Variants in GPC5 observed in about 807,000 individuals in gnomAD.
The protein encoded by GPC5 is glypican-5.
Under a neutral mutation model 53.9 loss-of-function variants are expected in GPC5, and 47 were observed. The ratio of observed to expected loss-of-function variants is 0.87; its 90% CI spans 0.69 to 1.11. The LOEUF (loss-of-function observed/expected upper bound fraction) is 1.11, where lower values mean the gene tolerates loss of function less well. Ranked by LOEUF, GPC5 falls within the 50% of genes most tolerant of loss-of-function variation. The pLI is 0.00. For synonymous variants in GPC5, 286 were observed against 263.3 expected, an observed-to-expected ratio of 1.09 and a Z score of -0.84; for missense variants, 748 against 713.1, an observed-to-expected ratio of 1.05 and a Z score of -0.56.
chr13:91,889,253 G>T (rs542565550), intron 5 of GPC5, among the ~76,000 whole-genome samples: 1 of 152,266 alleles, frequency 6.6e-6, no homozygotes, highest in Non-Finnish European at 1.5e-5. Context: ...TGACTCAGGG[G>T]ACAGGCTGGG....
chr13:92,716,168 T>G (rs1277746458), intron 7 of GPC5, among the ~76,000 whole-genome samples: 2 of 152,158 alleles, frequency 1.3e-5, no homozygotes, highest in Admixed American at 1.3e-4. Flanking sequence ...GATTTTATTC[T>G]TCATACAATC....
rs374631578 is a variant in GPC5, at chr13:92,387,850, A to C, written c.1561+242861A>C. Among the ~76,000 whole-genome samples, 111 of 152,234 alleles carry C rather than the reference A, an allele frequency of 7.3e-4. 3 individuals are homozygous for C. The South Asian group carries it at 0.023, about 31-fold the overall frequency. On this transcript the variant is annotated intron_variant, in intron 7 of 7. Transcript: ENST00000377067. Reference sequence around the variant, plus strand: ...AACTCAAACGGTTGTTTTGAAAATTAATTAAGATATTCCGTGTAAGGCATG... The same window carrying C: ...AACTCAAACGGTTGTTTTGAAAATTCATTAAGATATTCCGTGTAAGGCATG...
intron 6 of GPC5, among the ~76,000 whole-genome samples, chr13:91,917,252 T>C (rs903076723): frequency 6.6e-6 from 1 of 152,228 alleles, no homozygotes; most frequent in East Asian, 1.9e-4. Flanking sequence ...TGAAATCCAA[T>C]AGGGCAGTTA....
At chr13:92,061,127 G>C (rs2041119747) in intron 6 of GPC5, among the ~76,000 whole-genome samples, 1 of 151,962 alleles carries the variant, frequency 6.6e-6, no homozygotes, top group East Asian at 1.9e-4. Flanking sequence ...ATTGTTAATA[G>C]AAAATGGCAG....
intron 7 of GPC5, among the ~76,000 whole-genome samples, chr13:92,797,119 C>G (rs1390475300): frequency 1.3e-5 from 2 of 151,878 alleles, no homozygotes; most frequent in African/African-American, 4.8e-5. Flanking sequence ...TGATTCATTA[C>G]TTTTAAAATG....
At chr13:92,717,288 G>A (rs1156289350) in intron 7 of GPC5, among the ~76,000 whole-genome samples, 1 of 152,028 alleles carries the variant, frequency 6.6e-6, no homozygotes, top group Non-Finnish European at 1.5e-5. Context: ...AGGAGATCCT[G>A]GTTATGTGAA....
chr13:92,678,134 A>T (rs1392571777), intron 7 of GPC5, among the ~76,000 whole-genome samples: 1 of 152,332 alleles, frequency 6.6e-6, no homozygotes, highest in African/African-American at 2.4e-5. Context: ...CAAATGTTCA[A>T]TGTATGTTTG....
At chr13:92,802,332 C>T (rs7996912) in intron 7 of GPC5, among the ~76,000 whole-genome samples, 2,970 of 151,886 alleles carry the variant, frequency 0.02, 101 homozygotes, top group African/African-American at 0.069. Flanking sequence ...ATTAAATTGC[C>T]TAATGACATA....
At position 91,659,407 on chromosome 13, in the gene GPC5, C is replaced by G. The variant is rs74104949; in HGVS notation, c.326-33780C>G. ...GGCCCTGTATGTTAGTTCTTGGAAG[C>G]TGGGAGCAGTGGCAGCCTTGGAATA... On this transcript the variant is annotated intron_variant, in intron 2 of 7. Coordinates refer to ENST00000377067, the MANE Select transcript of GPC5 (RefSeq NM_004466.6). 7.9e-3 allele frequency among the ~76,000 whole-genome samples: 1,198 copies of G among 152,208 alleles called. 17 individuals are homozygous for G. Among genetic ancestry groups the G allele is most frequent in the African/African-American group, 0.027 (1,136 of 41,530 alleles).
chr13:92,445,728 G>A lies in GPC5; in HGVS notation c.1561+300739G>A, dbSNP rs562688044. ...TCCAGTCTATCATTGTTGGACGTTT[G>A]GGTTGGTTCCAAGTCTTTGCTATCG... On this transcript the variant is annotated intron_variant, in intron 7 of 7. Transcript: ENST00000377067. Among the ~76,000 whole-genome samples the A allele has an allele frequency of 2.6e-5, 4 of 151,936 alleles. No individual in the cohort carries two copies. In the South Asian group the frequency reaches 8.3e-4, roughly 32 times the overall value.
chr13:92,631,990 A>G (rs1459936106), intron 7 of GPC5, among the ~76,000 whole-genome samples: 2 of 152,206 alleles, frequency 1.3e-5, no homozygotes, highest in African/African-American at 4.8e-5. Flanking sequence ...TTCAGGTCCC[A>G]AGCATTTTGA....
chr13:91,964,775 C>T (rs969890459), intron 6 of GPC5, among the ~76,000 whole-genome samples: 2 of 152,132 alleles, frequency 1.3e-5, no homozygotes, highest in Non-Finnish European at 2.9e-5. Flanking sequence ...TATGAAGACA[C>T]ATGCACATGT....
At chr13:92,101,939 C>A (rs2041470570) in intron 6 of GPC5, among the ~76,000 whole-genome samples, 1 of 152,180 alleles carries the variant, frequency 6.6e-6, no homozygotes, top group African/African-American at 2.4e-5. Flanking sequence ...CATGTGAGTG[C>A]TCTGGATACT....
intron 2 of GPC5, among the ~76,000 whole-genome samples, chr13:91,512,148 C>T (rs1300391579): frequency 6.6e-6 from 1 of 152,196 alleles, no homozygotes; most frequent in African/African-American, 2.4e-5. Context: ...ATCAAGATTC[C>T]ATCATCGCAA....
intron 5 of GPC5, among the ~76,000 whole-genome samples, chr13:91,781,231 T>C (rs2037794125): frequency 6.6e-6 from 1 of 152,204 alleles, no homozygotes; most frequent in Non-Finnish European, 1.5e-5. Flanking sequence ...TGTATCCTTA[T>C]CCTGTTGCCA....
intron 7 of GPC5, among the ~76,000 whole-genome samples, chr13:92,298,796 C>T (rs535611478): frequency 2.6e-5 from 4 of 152,290 alleles, no homozygotes; most frequent in African/African-American, 7.2e-5. Flanking sequence ...AGCCTCCACA[C>T]GCTGCTCTGT....
At chr13:92,190,486 C>T (rs995868866) in intron 7 of GPC5, among the ~76,000 whole-genome samples, 1 of 152,006 alleles carries the variant, frequency 6.6e-6, no homozygotes, top group African/African-American at 2.4e-5. Flanking sequence ...ATAGTAGCAA[C>T]AATATTTTGG....
chr13:92,632,461 C>CATATATAT (rs1491296731), intron 7 of GPC5, among the ~76,000 whole-genome samples: 151 of 58,092 alleles, frequency 2.6e-3, no homozygotes, highest in Middle Eastern at 0.016. Context: ...GAAAATATTC[C>CATATATAT]ACATATATAT....
intron 6 of GPC5, among the ~76,000 whole-genome samples, chr13:91,961,289 T>C (rs1229320655): frequency 2.6e-5 from 4 of 151,872 alleles, no homozygotes; most frequent in Non-Finnish European, 5.9e-5. Context: ...GTACCTTGTA[T>C]ATATATATAC....
Sources: allele counts gnomAD v4.1 joint callset (sites outside exome capture counted in the v4.1 genomes callset), GRCh38; gene constraint gnomAD v4.1.1; transcripts MANE v1.5; gene names NCBI Gene and HGNC (gene_info 2026-07-23, HGNC 2026-07-21).